ZNF804B: variants seen among roughly 807,000 people sequenced by gnomAD.
ZNF804B encodes zinc finger 804B.
In ZNF804B, 80 loss-of-function variants were observed where a neutral mutation model predicts 101.4. The ratio of observed to expected loss-of-function variants is 0.79; its 90% CI spans 0.66 to 0.95. The LOEUF (loss-of-function observed/expected upper bound fraction) is 0.95. Ranked by LOEUF, ZNF804B falls within the 40% of genes least tolerant of loss-of-function variation. The pLI is 0.00. For missense variants in ZNF804B, 1,673 were observed against 1,561.9 expected, an observed-to-expected ratio of 1.07 and a Z score of -1.20; for synonymous variants, 622 against 558.8, an observed-to-expected ratio of 1.11 and a Z score of -1.59.
At chr7:89,285,045 A>G (rs116264930) in intron 2 of ZNF804B, among the ~76,000 whole-genome samples, 2 of 151,706 alleles carry the variant, frequency 1.3e-5, no homozygotes, top group Admixed American at 6.6e-5. Flanking sequence ...CTAAATAAAA[A>G]AATTTAAATT....
intron 1 of ZNF804B, among the ~76,000 whole-genome samples, chr7:88,942,516 G>GTT (rs1793069526): frequency 6.7e-6 from 1 of 150,042 alleles, no homozygotes; most frequent in South Asian, 2.1e-4. Flanking sequence ...GTGTGTGTGT[G>GTT]TGTGTGTGTG....
intron 1 of ZNF804B, among the ~76,000 whole-genome samples, chr7:88,956,837 G>A (rs990820832): frequency 6.6e-6 from 1 of 151,374 alleles, no homozygotes; most frequent in African/African-American, 2.4e-5. Flanking sequence ...ACAAATGCTA[G>A]CAACTCTATT....
At chr7:88,943,273 G>A (rs929794338) in intron 1 of ZNF804B, among the ~76,000 whole-genome samples, 1 of 151,870 alleles carries the variant, frequency 6.6e-6, no homozygotes, top group Non-Finnish European at 1.5e-5. Context: ...TTACACAGCA[G>A]CAGCCCTTTC....
intron 1 of ZNF804B, among the ~76,000 whole-genome samples, chr7:89,184,529 T>C (rs1351886235): frequency 6.6e-6 from 1 of 152,224 alleles, no homozygotes; most frequent in East Asian, 1.9e-4. Context: ...ATCAGTTTCG[T>C]GTTCATGTGA....
intron 1 of ZNF804B, among the ~76,000 whole-genome samples, chr7:88,896,439 A>G (rs1314346512): frequency 1.3e-5 from 2 of 152,166 alleles, no homozygotes; most frequent in Non-Finnish European, 2.9e-5. Context: ...TGGGATATTG[A>G]TTACTTCTGG....
intron 1 of ZNF804B, among the ~76,000 whole-genome samples, chr7:89,109,655 T>C (rs761272582): frequency 6.6e-6 from 1 of 152,200 alleles, no homozygotes; most frequent in Non-Finnish European, 1.5e-5. Context: ...CATCACATTG[T>C]TCTTTCATTC....
At position 89,336,230 on chromosome 7, in the gene ZNF804B, C is replaced by G. The variant is rs1313503500; in HGVS notation, c.3248C>G (p.Thr1083Ser). 1.9e-6 allele frequency: 3 copies of G among 1,613,814 alleles called. No homozygotes were observed. Among genetic ancestry groups the G allele is most frequent in the African/African-American group, 1.3e-5 (1 of 75,016 alleles). Residue 1083 changes from threonine (T) to serine (S), a missense_variant, in exon 4 of 4, where the codon ACT (threonine) becomes AGT (serine). Transcript: ENST00000333190. ...GGTGCTTTTCCGTCTAATAAATATA[C>G]TGGTGTGACTGATTCAACAGAGACC... is the stretch of plus-strand genomic sequence containing the variant. ...FPGAFPSNKYTGVTDSTETQE... is the reference protein window; with the variant it reads ...FPGAFPSNKYSGVTDSTETQE...
chr7:89,113,284 A>G (rs1441100091), intron 1 of ZNF804B, among the ~76,000 whole-genome samples: 13 of 152,224 alleles, frequency 8.5e-5, no homozygotes, highest in Admixed American at 8.5e-4. Context: ...TGATGGGATC[A>G]TCGTACAACG....
intron 2 of ZNF804B, among the ~76,000 whole-genome samples, chr7:89,314,240 CA>C (rs900956612): frequency 6.6e-6 from 1 of 152,100 alleles, no homozygotes; most frequent in African/African-American, 2.4e-5. Flanking sequence ...TTATTTAAGA[CA>C]AGAAAGACCA....
At chr7:88,847,162 A>G (rs1442733267) in intron 1 of ZNF804B, among the ~76,000 whole-genome samples, 2 of 152,016 alleles carry the variant, frequency 1.3e-5, no homozygotes, top group African/African-American at 4.8e-5. Context: ...AGAAAATATA[A>G]GAAAAATATT....
chr7:89,185,319 G>A (rs1442384880), intron 1 of ZNF804B, among the ~76,000 whole-genome samples: 1 of 152,116 alleles, frequency 6.6e-6, no homozygotes, highest in Non-Finnish European at 1.5e-5. Context: ...ACGCATAGAA[G>A]ATACAAAATA....
intron 1 of ZNF804B, among the ~76,000 whole-genome samples, chr7:89,188,663 GA>G (rs2115606216): frequency 6.6e-6 from 1 of 152,206 alleles, no homozygotes; most frequent in South Asian, 2.1e-4. Flanking sequence ...CACGAATGAT[GA>G]AAAAGCAAAA....
intron 1 of ZNF804B, among the ~76,000 whole-genome samples, chr7:88,862,352 C>G (rs2115859088): frequency 6.6e-6 from 1 of 152,140 alleles, no homozygotes; most frequent in Non-Finnish European, 1.5e-5. Context: ...GCCATTTAGC[C>G]AATCGTGCAA....
chr7:88,963,510 C>T (rs922031136), intron 1 of ZNF804B, among the ~76,000 whole-genome samples: 1 of 151,322 alleles, frequency 6.6e-6, no homozygotes, highest in Non-Finnish European at 1.5e-5. Context: ...CTTATACACA[C>T]ATCATATACA....
At chr7:89,194,099 C>G (rs1788505568) in intron 1 of ZNF804B, among the ~76,000 whole-genome samples, 2 of 151,798 alleles carry the variant, frequency 1.3e-5, no homozygotes, top group African/African-American at 4.8e-5. Context: ...TTTTTGGCTG[C>G]ATAAATGTCT....
chr7:89,262,041 T>G (rs1040302645), intron 2 of ZNF804B, among the ~76,000 whole-genome samples: 2 of 152,206 alleles, frequency 1.3e-5, no homozygotes, highest in African/African-American at 4.8e-5. Flanking sequence ...GTACTCTACC[T>G]TAATGAACTC....
chr7:89,161,344 C>G (rs768505744), intron 1 of ZNF804B, among the ~76,000 whole-genome samples: 11 of 151,860 alleles, frequency 7.2e-5, no homozygotes, highest in Admixed American at 2.6e-4. Flanking sequence ...GCCAACAGAA[C>G]ATTACCTATG....
chr7:89,282,496 A>G (rs1375187965), intron 2 of ZNF804B, among the ~76,000 whole-genome samples: 1 of 152,186 alleles, frequency 6.6e-6, no homozygotes, highest in East Asian at 1.9e-4. Flanking sequence ...TCAAAATAAA[A>G]TGCCAAAACA....
At chr7:89,217,039 C>T (rs1293948905) in intron 1 of ZNF804B, among the ~76,000 whole-genome samples, 1 of 152,064 alleles carries the variant, frequency 6.6e-6, no homozygotes. Context: ...TATTAAGTAG[C>T]ACATATTCTG....
Sources: gnomAD v4.1 joint callset for allele counts (sites outside exome capture counted in the v4.1 genomes callset) on GRCh38, gnomAD v4.1.1 for gene constraint, MANE v1.5 for transcripts, NCBI Gene and HGNC (gene_info 2026-07-23, HGNC 2026-07-21) for gene names.